AP2B1: variants seen among roughly 807,000 people sequenced by gnomAD.
The protein encoded by AP2B1 is AP-2 complex subunit beta.
AP2B1 carries 23 observed loss-of-function variants against 102.0 expected under a neutral mutation model. That is an observed-to-expected ratio of 0.23 (90% CI 0.16 to 0.32). The LOEUF (loss-of-function observed/expected upper bound fraction) is 0.32, where lower values mean the gene tolerates loss of function less well. AP2B1 is among the 10% of genes least tolerant of loss of function. The pLI is 1.00. For missense variants in AP2B1, 541 were observed against 1,157.4 expected (o/e 0.47, Z 7.73); for synonymous variants, 381 against 421.2 (o/e 0.90, Z 1.17).
intron 18 of AP2B1, among the ~76,000 whole-genome samples, chr17:35,686,538 C>T (rs749276332): frequency 6.6e-6 from 1 of 152,180 alleles, no homozygotes. Flanking sequence ...GTAGATGCTG[C>T]AGGGTTCCCA....
At chr17:35,596,437 T>C (rs1357258235) in intron 2 of AP2B1, among the ~76,000 whole-genome samples, 1 of 152,254 alleles carries the variant, frequency 6.6e-6, no homozygotes, top group Non-Finnish European at 1.5e-5. Flanking sequence ...AAAAGTGCTC[T>C]ACTTCTGTGT....
intron 3 of AP2B1, among the ~76,000 whole-genome samples, chr17:35,600,745 T>G (rs932412596): frequency 4.6e-5 from 7 of 152,258 alleles, no homozygotes; most frequent in African/African-American, 1.7e-4. Context: ...TTCTCAGTTT[T>G]AATTCCTGAC....
At chr17:35,672,639 T>C (rs1250337052) in intron 16 of AP2B1, among the ~76,000 whole-genome samples, 1 of 152,234 alleles carries the variant, frequency 6.6e-6, no homozygotes, top group East Asian at 1.9e-4. Context: ...TGTATAGTTA[T>C]TACAGTACAT....
intron 21 of AP2B1, among the ~76,000 whole-genome samples, chr17:35,717,942 G>T (rs995873252): frequency 6.6e-6 from 1 of 152,212 alleles, no homozygotes; most frequent in South Asian, 2.1e-4. Context: ...AGAAGCAGTT[G>T]CTTTGTTAAA....
chr17:35,610,786 C>A (rs1032580535), intron 5 of AP2B1, among the ~76,000 whole-genome samples: 4 of 151,664 alleles, frequency 2.6e-5, no homozygotes, highest in East Asian at 3.9e-4. Flanking sequence ...AGGCGCCTAT[C>A]GTCCCAGCTA....
At position 35,592,388 on chromosome 17, in the gene AP2B1, T is replaced by C. The variant is rs62079723; in HGVS notation, c.-23-1620T>C. ...TTTTTTCCCCTTGAGACAAGGTCTCTGTCGCTGAGGCTGGAGTGCAGTGGT... is the reference window on the plus strand; with the variant it reads ...TTTTTTCCCCTTGAGACAAGGTCTCCGTCGCTGAGGCTGGAGTGCAGTGGT... On this transcript the variant is annotated intron_variant, in intron 1 of 21. Coordinates refer to ENST00000610402, the MANE Select transcript of AP2B1 (RefSeq NM_001030006.2). 5.5e-3 allele frequency among the ~76,000 whole-genome samples: 832 copies of C among 151,680 alleles called. 6 individuals are homozygous for C. Among genetic ancestry groups the C allele is most frequent in the Middle Eastern group, 0.041 (12 of 294 alleles).
At chr17:35,604,886 C>G (rs2073615158) in intron 3 of AP2B1, among the ~76,000 whole-genome samples, 1 of 152,198 alleles carries the variant, frequency 6.6e-6, no homozygotes. Context: ...TTTTCTAAAA[C>G]TATAGAGACC....
At chr17:35,714,024 A>G (rs2076502715) in intron 20 of AP2B1, among the ~76,000 whole-genome samples, 1 of 152,254 alleles carries the variant, frequency 6.6e-6, no homozygotes, top group African/African-American at 2.4e-5. Context: ...ATCTCCAGCC[A>G]TATCTGGAAA....
intron 5 of AP2B1, among the ~76,000 whole-genome samples, chr17:35,614,585 C>T (rs1350258154): frequency 1.3e-5 from 2 of 148,572 alleles, no homozygotes; most frequent in African/African-American, 5.0e-5. Flanking sequence ...ATCACTCTCA[C>T]AGCTGCCCAT....
chr17:35,589,651 A>G (rs2073021438), intron 1 of AP2B1, among the ~76,000 whole-genome samples: 1 of 152,200 alleles, frequency 6.6e-6, no homozygotes, highest in African/African-American at 2.4e-5. Context: ...GAGGGCAAGT[A>G]AGAGTGATTA....
intron 5 of AP2B1, among the ~76,000 whole-genome samples, chr17:35,617,188 T>C (rs2142493047): frequency 6.6e-6 from 1 of 152,328 alleles, no homozygotes; most frequent in South Asian, 2.1e-4. Flanking sequence ...TCTGAGTAGC[T>C]GAGAGTACAG....
At chr17:35,695,144 G>A (rs758315367) in intron 18 of AP2B1, among the ~76,000 whole-genome samples, 2 of 152,228 alleles carry the variant, frequency 1.3e-5, no homozygotes, top group African/African-American at 4.8e-5. Flanking sequence ...GACTGTTTCT[G>A]GCAACTGGAA....
intron 2 of AP2B1, chr17:35,596,987 G>C: frequency 1.5e-6 from 1 of 658,918 alleles, no homozygotes; most frequent in Non-Finnish European, 2.9e-6. Flanking sequence ...CTTTCGGAGA[G>C]GAGCCTGGCG....
chr17:35,621,651 G>T (rs1353317467), intron 5 of AP2B1, among the ~76,000 whole-genome samples: 1 of 152,092 alleles, frequency 6.6e-6, no homozygotes, highest in Admixed American at 6.6e-5. Context: ...ATGATAAGTG[G>T]CAATTGCCTA....
At chr17:35,667,933 A>G (rs201995590) in intron 14 of AP2B1, among the ~76,000 whole-genome samples, 2 of 120,176 alleles carry the variant, frequency 1.7e-5, no homozygotes, top group African/African-American at 6.5e-5. Context: ...CGCTGCTCAA[A>G]TTTTTTTTTT....
chr17:35,589,556 G>A (rs561679129), intron 1 of AP2B1, among the ~76,000 whole-genome samples: 2 of 152,318 alleles, frequency 1.3e-5, no homozygotes, highest in South Asian at 4.1e-4. Flanking sequence ...CCTATATTTG[G>A]TAGAAACTAG....
At chr17:35,634,779 A>G (rs529329891) in intron 9 of AP2B1, among the ~76,000 whole-genome samples, 3 of 152,222 alleles carry the variant, frequency 2.0e-5, no homozygotes, top group Non-Finnish European at 4.4e-5. Context: ...ACTGGAAAAT[A>G]TGCTTGAAAG....
intron 5 of AP2B1, among the ~76,000 whole-genome samples, chr17:35,613,496 A>T (rs917813802): frequency 4.5e-4 from 69 of 152,248 alleles, no homozygotes; most frequent in Non-Finnish European, 4.3e-4. Flanking sequence ...TTTTGATGAA[A>T]TACTAGTTAA....
intron 13 of AP2B1, among the ~76,000 whole-genome samples, chr17:35,651,850 AG>A (rs1016867729): frequency 1.3e-5 from 2 of 152,178 alleles, no homozygotes; most frequent in Non-Finnish European, 2.9e-5. Context: ...ATAGTAAGTT[AG>A]GGTGTTTCTC....
Sources: gnomAD v4.1 joint callset for allele counts (sites outside exome capture counted in the v4.1 genomes callset) on GRCh38, gnomAD v4.1.1 for gene constraint, MANE v1.5 for transcripts, NCBI Gene and HGNC (gene_info 2026-07-23, HGNC 2026-07-21) for gene names.